The following CHRNE variants were observed in gnomAD, a reference collection of about 807,000 sequenced individuals.
CHRNE encodes the protein cholinergic receptor nicotinic epsilon subunit.
Under a neutral mutation model 56.5 loss-of-function variants are expected in CHRNE, and 58 were observed. That is an observed-to-expected ratio of 1.03 (90% CI 0.83 to 1.28). The LOEUF is 1.28. Ranked by LOEUF, CHRNE falls within the 50% of genes most tolerant of loss-of-function variation. The probability of loss-of-function intolerance (pLI) is 0.00; values close to 1 mark genes in which losing one functional copy is unlikely to be tolerated. For synonymous variants in CHRNE, 385 were observed against 297.9 expected (o/e 1.29, Z -3.01); for missense variants, 793 against 688.9 (o/e 1.15, Z -1.69).
rs150868720 is a variant in CHRNE, at chr17:4,901,958, A to G, written c.474T>C (p.Asp158=). ...GGAAAATAAGCGAACAGTTCTGCCA[A>G]TCGAAGGGGAAGTAGGTGACCTCCA... ...CAVEVTYFPF[D]WQNCSLIFRS... The change falls in exon 5 of 12, where the codon GAT becomes GAC. Residue 158 remains aspartate, a synonymous_variant. Transcript: ENST00000649488. 13 of 1,610,598 alleles carry G rather than the reference A, an allele frequency of 8.1e-6. No homozygotes were observed. The highest frequency in any genetic ancestry group is 1.7e-4 in the Middle Eastern group (1 of 6,060).
At position 4,899,082 on chromosome 17, in the gene CHRNE, G is replaced by A. The variant is rs202051373; in HGVS notation, c.1245C>T (p.Ala415=). The change falls in exon 11 of 12, where the codon GCC becomes GCT. Residue 415 remains alanine (A), a synonymous_variant. Transcript: ENST00000649488. ...WTAAFCQSLG[A]AAPEVRCCVD... is the part of the protein sequence containing the mutation. Reference sequence around the variant, plus strand: ...CACAGCAGCGGACCTCGGGGGCGGCGGCGCCCAGGCTCTGGCAGAAGGCAG... The same window carrying A: ...CACAGCAGCGGACCTCGGGGGCGGCAGCGCCCAGGCTCTGGCAGAAGGCAG... 1,035 of 1,610,888 alleles carry A rather than the reference G, an allele frequency of 6.4e-4. 1 individual carries two copies. Among genetic ancestry groups the A allele is most frequent in the Non-Finnish European group, 8.4e-4 (987 of 1,179,446 alleles).
chr17:4,898,293 T>G lies in CHRNE; in HGVS notation c.*443A>C. 1 of 275,994 alleles carries G rather than the reference T, an allele frequency of 3.6e-6. No homozygotes were observed. Among genetic ancestry groups the G allele is most frequent in the Non-Finnish European group, 7.1e-6 (1 of 139,874 alleles). 17.1% of individuals were successfully genotyped at this position (275,994 alleles called of 1,614,324 possible). A position where few individuals can be genotyped will look rare whatever the true frequency, so the allele number is the denominator to read the frequency against. On this transcript the variant is annotated 3_prime_UTR_variant, in exon 12 of 12. Transcript: ENST00000649488. The stretch of plus-strand genomic sequence containing the variant: ...GGCCACCAGCACTGAAGGTGTTTGG[T>G]TCCCACCCGCTCCAGCAGAGCCAGA...
intron 1 of CHRNE, among the ~76,000 whole-genome samples, chr17:4,908,111 C>T (rs1431728801): frequency 1.3e-5 from 2 of 152,088 alleles, no homozygotes; most frequent in African/African-American, 4.8e-5. Flanking sequence ...TCAGAGGTTG[C>T]GGTGAGCCTA....
At chr17:4,899,435 C>T (rs367944415) in intron 9 of CHRNE, 33 bp downstream of exon 9, 2 of 1,554,540 alleles carry the variant, frequency 1.3e-6, no homozygotes, top group Non-Finnish European at 1.7e-6. Context: ...AGCCCCACCC[C>T]GACCCGGGCT....
rs760468205 is a variant in CHRNE, at chr17:4,902,399, A to G, written c.234+51T>C. 4 of 1,613,468 alleles carry G rather than the reference A, an allele frequency of 2.5e-6. No individual in the cohort carries two copies. Among genetic ancestry groups the G allele is most frequent in the East Asian group, 4.5e-5 (2 of 44,858 alleles). On this transcript the variant is annotated intron_variant, in intron 3 of 11. Coordinates refer to ENST00000649488, the MANE Select transcript of CHRNE (RefSeq NM_000080.4). This position sits in a 1 kb window ranked among gnomAD's most constrained non-coding sequence, Gnocchi z 4.0. ...GCGCTGCCTGGGAGGGGTTTGGGGG[A>G]AAAGGGGTGCCCTGGACAAGACCTC...
At position 4,898,437 on chromosome 17, in the gene CHRNE, A is replaced by C. The variant is rs1969799491; in HGVS notation, c.*299T>G. 3 of 487,242 alleles carry C rather than the reference A, an allele frequency of 6.2e-6. No homozygotes were observed. Among genetic ancestry groups the C allele is most frequent in the Admixed American group, 3.3e-5 (1 of 30,296 alleles). The allele number at this position is 487,242 out of a possible 1,614,324, so 30.2% of individuals were successfully genotyped here. A position where few individuals can be genotyped will look rare whatever the true frequency, so the allele number is the denominator to read the frequency against. On this transcript the variant is annotated 3_prime_UTR_variant, in exon 12 of 12. Coordinates refer to ENST00000649488, the MANE Select transcript of CHRNE (RefSeq NM_000080.4). The stretch of plus-strand genomic sequence containing the variant: ...TAGCTCACAAGCTGGCAGCCACCAG[A>C]GTCCCGTGGGGCTGAGCCTTAGAAA...
rs1361578187 is a variant in CHRNE at position 4,898,848 on chromosome 17, A to G, written c.1370T>C (p.Ile457Thr). The change falls in exon 12 of 12, where the codon ATC (isoleucine) becomes ACC (threonine). Residue 457 changes from isoleucine (I) to threonine (T), a missense_variant. Transcript: ENST00000649488. ...WVRMGNALDN[I>T]CFWAALVLFS... is the part of the protein sequence containing the mutation. ...GAGCACCAGAGCGGCCCAGAAGCAG[A>G]TGTTGTCAAGGGCATTCCCCATGCG... 11 of 1,593,506 alleles carry G rather than the reference A, an allele frequency of 6.9e-6. No homozygotes were observed. Among genetic ancestry groups the G allele is most frequent in the African/African-American group, 1.3e-5 (1 of 74,730 alleles).
upstream of CHRNE, among the ~76,000 whole-genome samples, chr17:4,906,850 C>G (rs1259382651): frequency 6.6e-6 from 1 of 151,914 alleles, no homozygotes; most frequent in Non-Finnish European, 1.5e-5. Flanking sequence ...CACAATGGAG[C>G]ACCATTCACC....
Position 4,901,591 on chromosome 17 carries a change from T to G in CHRNE, c.535A>C (p.Thr179Pro), listed in dbSNP as rs748624980. 3.1e-6 allele frequency: 5 copies of G among 1,614,126 alleles called. No individual in the cohort carries two copies. Among genetic ancestry groups the G allele is most frequent in the Middle Eastern group, 1.6e-4 (1 of 6,062 alleles). The part of the protein sequence containing the change: ...QTYNAEEVEF[T>P]FAVDNDGKTI... The stretch of plus-strand genomic sequence containing the variant: ...TTGCCGTCGTTGTCTACGGCAAAAG[T>G]GAACTCCACCTCTTCGGCATTGTAC... The change falls in exon 6 of 12, where the codon ACT becomes CCT. Residue 179 changes from threonine (T) to proline (P), a missense_variant. Physicochemically the swap from Thr to Pro is conservative, Grantham distance 38 (BLOSUM62 -1). Coordinates refer to ENST00000649488, the MANE Select transcript of CHRNE (RefSeq NM_000080.4).
In CHRNE at chr17:4,898,254, C is replaced by T. The variant is rs1212428800; in HGVS notation, c.*482G>A. The stretch of plus-strand genomic sequence containing the variant: ...GGGTCAGGGCAGCCTCAGCCTTAAA[C>T]CTGTGGGCCTGAGGGCCACCAGCAC... On this transcript the variant is annotated 3_prime_UTR_variant, in exon 12 of 12. Coordinates refer to ENST00000649488, the MANE Select transcript of CHRNE (RefSeq NM_000080.4). 3 of 241,150 alleles carry T rather than the reference C, an allele frequency of 1.2e-5. No individual in the cohort carries two copies. The highest frequency in any genetic ancestry group is 2.5e-5 in the Non-Finnish European group (3 of 120,062). 14.9% of individuals were successfully genotyped at this position (241,150 alleles called of 1,614,324 possible). A position where few individuals can be genotyped will look rare whatever the true frequency, so the allele number is the denominator to read the frequency against.
At chr17:4,906,654 A>G (rs1235432863), upstream of CHRNE, among the ~76,000 whole-genome samples, 1 of 152,108 alleles carries the variant, frequency 6.6e-6, no homozygotes, top group Non-Finnish European at 1.5e-5. Flanking sequence ...GGAGTTCAAG[A>G]CCAGCCTGGG....
chr17:4,898,995 T>G lies in CHRNE; in HGVS notation c.1326+6A>C, dbSNP rs886053122. On this transcript the variant is annotated splice_donor_region_variant and intron_variant, in intron 11 of 11. Coordinates refer to ENST00000649488, the MANE Select transcript of CHRNE (RefSeq NM_000080.4). The stretch of plus-strand genomic sequence containing the variant: ...TCGCTCCACCCGCCTCTGGCTCCTG[T>G]CCCACCTCGCCGGTGGCCTCCTGAT... 2 of 1,587,396 alleles carry G rather than the reference T, an allele frequency of 1.3e-6. No individual in the cohort carries two copies. The highest frequency in any genetic ancestry group is 1.7e-6 in the Non-Finnish European group (2 of 1,168,200).
Position 4,899,099 on chromosome 17 carries a change from A to AGAAGGCAGCTGGCGGG in CHRNE, c.1220-8_1227dup (p.Cys410ProfsTer51), listed in dbSNP as rs2151094080. On this transcript the variant is annotated frameshift_variant, in exon 11 of 12. Coordinates refer to ENST00000649488, the MANE Select transcript of CHRNE (RefSeq NM_000080.4). LOFTEE classifies it high-confidence loss of function. ...GGGGCGGCGGCGCCCAGGCTCTGGC[A>AGAAGGCAGCTGGCGGG]GAAGGCAGCTGGCGGGGAAAACACC... The AGAAGGCAGCTGGCGGG allele has an allele frequency of 6.2e-7, 1 of 1,608,526 alleles. No homozygotes were observed. Among genetic ancestry groups the AGAAGGCAGCTGGCGGG allele is most frequent in the Middle Eastern group, 1.7e-4 (1 of 6,046 alleles).
In CHRNE at chr17:4,901,515, G is replaced by A. The variant is rs1175424462; in HGVS notation, c.601+10C>T. 2.5e-6 allele frequency: 4 copies of A among 1,613,412 alleles called. No individual in the cohort carries two copies. Among genetic ancestry groups the A allele is most frequent in the Admixed American group, 3.3e-5 (2 of 60,004 alleles). On this transcript the variant is annotated intron_variant, in intron 6 of 11. Transcript: ENST00000649488. ...AGAAGCGGGTTTTTCTGAGCAGGCAGGGGCTTCACCAGTATAGGCCTCTGT... is the reference window on the plus strand; with the variant it reads ...AGAAGCGGGTTTTTCTGAGCAGGCAAGGGCTTCACCAGTATAGGCCTCTGT...
At chr17:4,899,698 G>A in intron 8 of CHRNE, 116 bp from the exon 9 acceptor site, 3 of 1,478,380 alleles carry the variant, frequency 2.0e-6, no homozygotes, top group Non-Finnish European at 2.8e-6. Flanking sequence ...CCCTCCAGCT[G>A]CGCCCCCTAC....
chr17:4,907,899 G>A (rs7208165), upstream of CHRNE, among the ~76,000 whole-genome samples: 14,656 of 152,094 alleles, frequency 0.096, 720 homozygotes, highest in African/African-American at 0.11. Flanking sequence ...AAACTTAGTC[G>A]GGCACGGTGG....
Position 4,902,565 on chromosome 17 carries a change from G to A in CHRNE, c.189+56C>T. The A allele has an allele frequency of 6.2e-7, 1 of 1,614,138 alleles. No individual in the cohort carries two copies. On this transcript the variant is annotated intron_variant, in intron 2 of 11. Coordinates refer to ENST00000649488, the MANE Select transcript of CHRNE (RefSeq NM_000080.4). This position sits in a 1 kb window ranked among gnomAD's most constrained non-coding sequence, Gnocchi z 4.0. ...GAAGTGAGCTTTAGGACAGAGCTCAGCGGTTGGGGCCAGAAGTGGGATTTT... is the reference window on the plus strand; with the variant it reads ...GAAGTGAGCTTTAGGACAGAGCTCAACGGTTGGGGCCAGAAGTGGGATTTT...
At chr17:4,908,311 G>A (rs117636861) in intron 1 of CHRNE, among the ~76,000 whole-genome samples, 114 of 152,334 alleles carry the variant, frequency 7.5e-4, no homozygotes, top group Non-Finnish European at 1.5e-3. Flanking sequence ...CACATAGACC[G>A]CATTCACCTG....
intron 8 of CHRNE, chr17:4,900,153 A>G (rs1160550664): frequency 1.3e-6 from 2 of 1,548,936 alleles, no homozygotes; most frequent in Non-Finnish European, 1.7e-6. Flanking sequence ...GAGGTGGGGT[A>G]CTGGGGGGCT....
Sources: allele counts gnomAD v4.1 joint callset (sites outside exome capture counted in the v4.1 genomes callset), GRCh38; gene constraint gnomAD v4.1.1; non-coding constraint Gnocchi (gnomAD v3.1); transcripts MANE v1.5; gene names NCBI Gene and HGNC (gene_info 2026-07-23, HGNC 2026-07-21).